ZNF829: variants seen among roughly 807,000 people sequenced by gnomAD.
The protein encoded by ZNF829 is zinc finger protein 829.
Under a neutral mutation model 35.2 loss-of-function variants are expected in ZNF829, and 25 were observed. The observed-to-expected ratio is 0.71, with a 90% CI of 0.52 to 0.99. The LOEUF is 0.99. ZNF829 is among the 50% of genes least tolerant of loss of function. ZNF829 has a pLI of 0.00. For synonymous variants in ZNF829, 136 were observed against 163.2 expected (o/e 0.83, Z 1.27); for missense variants, 417 against 515.3 (o/e 0.81, Z 1.85).
intron 3 of ZNF829, among the ~76,000 whole-genome samples, 174 bp downstream of exon 3, chr19:36,914,791 T>C (rs1375447777): frequency 6.6e-6 from 1 of 152,228 alleles, no homozygotes; most frequent in Non-Finnish European, 1.5e-5. Context: ...TTGAGATCTC[T>C]AAATTAATCA....
At chr19:36,906,075 A>T (rs556021557) in intron 5 of ZNF829, 1 of 152,198 alleles carries the variant, frequency 6.6e-6, no homozygotes, top group Non-Finnish European at 1.5e-5. Flanking sequence ...CACAACACAT[A>T]CAAATACCAA....
rs542264013 is a variant in ZNF829 at position 36,894,525 on chromosome 19, T to C, written c.320-2054A>G. Among the ~76,000 whole-genome samples the C allele has an allele frequency of 4.0e-5, 6 of 151,748 alleles. No homozygotes were observed. In the East Asian group the frequency reaches 7.7e-4, roughly 20 times the overall value. ...ATTAAAGAAGCTCAGTGGGAAACAA[T>C]AGAACATGGATAAAAACCAAAAGAA... is the stretch of plus-strand genomic sequence containing the variant. On this transcript the variant is annotated intron_variant, in intron 5 of 5. Coordinates refer to ENST00000391711, the MANE Select transcript of ZNF829 (RefSeq NM_001037232.4).
At position 36,915,225 on chromosome 19, in the gene ZNF829, A is replaced by G. The variant is rs755910542; in HGVS notation, c.-58T>C. ...TGTGTTCACTGCTGTCCAGGGTTGGAATCTGACCAGACCTCAGAGAGGTTT... is the reference window on the plus strand; with the variant it reads ...TGTGTTCACTGCTGTCCAGGGTTGGGATCTGACCAGACCTCAGAGAGGTTT... On this transcript the variant is annotated 5_prime_UTR_variant, in exon 2 of 6. Coordinates refer to ENST00000391711, the MANE Select transcript of ZNF829 (RefSeq NM_001037232.4). 1.9e-6 allele frequency: 3 copies of G among 1,613,974 alleles called. No homozygotes were observed. Among genetic ancestry groups the G allele is most frequent in the Non-Finnish European group, 1.7e-6 (2 of 1,179,968 alleles).
At chr19:36,901,766 G>T in intron 5 of ZNF829, 1 of 553,478 alleles carries the variant, frequency 1.8e-6, no homozygotes. Context: ...GAAGGGTGGT[G>T]AGAAGAAAAA....
Position 36,892,066 on chromosome 19 carries a change from C to T in ZNF829, c.725G>A (p.Cys242Tyr), listed in dbSNP as rs772538159. The T allele has an allele frequency of 6.2e-7, 1 of 1,614,036 alleles. No individual in the cohort carries two copies. Among genetic ancestry groups the T allele is most frequent in the South Asian group, 1.1e-5 (1 of 91,076 alleles). The change falls in exon 6 of 6, where the codon TGT becomes TAT. Residue 242 changes from cysteine to tyrosine, a missense_variant. Physicochemically the swap from Cys to Tyr is radical, Grantham distance 194. Coordinates refer to ENST00000391711, the MANE Select transcript of ZNF829 (RefSeq NM_001037232.4). ...RIHTGEKPYE[C>Y]KECGKAFKYC... The stretch of plus-strand genomic sequence containing the variant: ...CTTAAAGGCTTTTCCACATTCCTTA[C>T]ATTCATAGGGTTTCTCACCAGTGTG...
intron 5 of ZNF829, among the ~76,000 whole-genome samples, chr19:36,899,404 C>T (rs1343106937): frequency 2.0e-5 from 3 of 151,956 alleles, no homozygotes; most frequent in African/African-American, 7.3e-5. Flanking sequence ...GTGATCAGGC[C>T]ACTGCACTCC....
At chr19:36,908,154 T>C (rs1435133074) in intron 4 of ZNF829, 130 bp from the exon 5 acceptor site, 8 of 1,174,420 alleles carry the variant, frequency 6.8e-6, no homozygotes, top group Non-Finnish European at 8.4e-6. Context: ...AGATGAAGCT[T>C]CAGCCACAGC....
In ZNF829 at chr19:36,889,896, A is replaced by G. The variant is rs950019089; in HGVS notation, c.*1596T>C. ...TGAGATTTTTCTATCTTTTTGGTGTAGGCATTTAATGCTATAAAATCCTCT... is the reference window on the plus strand; with the variant it reads ...TGAGATTTTTCTATCTTTTTGGTGTGGGCATTTAATGCTATAAAATCCTCT... On this transcript the variant is annotated 3_prime_UTR_variant, in exon 6 of 6. Coordinates refer to ENST00000391711, the MANE Select transcript of ZNF829 (RefSeq NM_001037232.4). 2 of 152,134 alleles carry G rather than the reference A, an allele frequency of 1.3e-5. No individual in the cohort carries two copies. The highest frequency in any genetic ancestry group is 4.8e-5 in the African/African-American group (2 of 41,432). The allele number at this position is 152,134 out of a possible 1,614,324, so 9.4% of individuals were successfully genotyped here. A position where few individuals can be genotyped will look rare whatever the true frequency, so the allele number is the denominator to read the frequency against.
rs1222235592 is a variant in ZNF829, at chr19:36,891,492, T to C, written c.1299A>G (p.Ter433TrpextTer5). The C allele has an allele frequency of 6.5e-7, 1 of 1,541,858 alleles. No homozygotes were observed. Among genetic ancestry groups the C allele is most frequent in the Non-Finnish European group, 8.7e-7 (1 of 1,149,120 alleles). The change falls in exon 6 of 6, where the codon TGA (stop) becomes TGG (tryptophan). Residue 433 changes from the stop codon to tryptophan (W), a stop_lost. Coordinates refer to ENST00000391711, the MANE Select transcript of ZNF829 (RefSeq NM_001037232.4). ...LIRHEGIHTG[*>W] ...CAAAATGGTCTTACTTTACTGTCAT[T>C]CAACCAGTATGAATTCCCTCATGGC...
In ZNF829 at chr19:36,892,262, T is replaced by C. The variant is rs766408345; in HGVS notation, c.529A>G (p.Ile177Val). The change falls in exon 6 of 6, where the codon ATT (isoleucine) becomes GTT (valine). Residue 177 changes from isoleucine (I) to valine (V), a missense_variant. By Grantham distance (29) the Ile-to-Val change is conservative. Coordinates refer to ENST00000391711, the MANE Select transcript of ZNF829 (RefSeq NM_001037232.4). Reference protein sequence around the residue: ...QNSQFIQHQRIHFGEKHYESK... With the variant: ...QNSQFIQHQRVHFGEKHYESK... The stretch of plus-strand genomic sequence containing the variant: ...TCATAGTGTTTTTCACCAAAATGAA[T>C]TCTCTGATGTTGGATAAATTGTGAG... 1 of 1,614,012 alleles carries C rather than the reference T, an allele frequency of 6.2e-7. No homozygotes were observed. Among genetic ancestry groups the C allele is most frequent in the East Asian group, 2.2e-5 (1 of 44,870 alleles).
intron 3 of ZNF829, among the ~76,000 whole-genome samples, chr19:36,910,513 C>T (rs2073255219): frequency 6.6e-6 from 1 of 152,192 alleles, no homozygotes; most frequent in Non-Finnish European, 1.5e-5. Context: ...TCCCTATTAA[C>T]ATAAACAAAT....
At position 36,916,204 on chromosome 19, in the gene ZNF829, G is replaced by A; in HGVS notation, c.-278C>T. 2.1e-6 allele frequency: 1 copy of A among 465,308 alleles called. No homozygotes were observed. Among genetic ancestry groups the A allele is most frequent in the Non-Finnish European group, 3.8e-6 (1 of 261,426 alleles). 28.8% of individuals were successfully genotyped at this position (465,308 alleles called of 1,614,324 possible). On this transcript the variant is annotated 5_prime_UTR_variant, in exon 1 of 6. Transcript: ENST00000391711. This position sits in a 1 kb window ranked among gnomAD's most constrained non-coding sequence, Gnocchi z 5.3. ...ACATCCAGCCGAGCCTCGGAGTTGC[G>A]GGTCGCCGTAGCGCTGCGCAATGGA...
At position 36,892,719 on chromosome 19, in the gene ZNF829, C is replaced by T. The variant is rs922083404; in HGVS notation, c.320-248G>A. On this transcript the variant is annotated intron_variant, in intron 5 of 5. Coordinates refer to ENST00000391711, the MANE Select transcript of ZNF829 (RefSeq NM_001037232.4). ...CTCAAATTTTGGTCTGAACCAGAGTCACCTTAAGCCTTGGTGAATACACAG... is the reference window on the plus strand; with the variant it reads ...CTCAAATTTTGGTCTGAACCAGAGTTACCTTAAGCCTTGGTGAATACACAG... 11 of 566,858 alleles carry T rather than the reference C, an allele frequency of 1.9e-5. No individual in the cohort carries two copies. In the African/African-American group the frequency reaches 2.1e-4, roughly 11 times the overall value. 35.1% of individuals were successfully genotyped at this position (566,858 alleles called of 1,614,324 possible).
At chr19:36,903,281 G>A (rs2073187065) in intron 5 of ZNF829, among the ~76,000 whole-genome samples, 1 of 152,160 alleles carries the variant, frequency 6.6e-6, no homozygotes, top group African/African-American at 2.4e-5. Context: ...TTATGTTAGA[G>A]GATGGCTATA....
rs781467383 is a variant in ZNF829 at position 36,915,135 on chromosome 19, A to G, written c.33T>C (p.His11=). The change falls in exon 2 of 6, where the codon CAT becomes CAC. Residue 11 remains histidine (H), a synonymous_variant. Coordinates refer to ENST00000391711, the MANE Select transcript of ZNF829 (RefSeq NM_001037232.4). Reference sequence around the variant, plus strand: ...TCCCCAGCCCCATTACCCACCACACATGAGGAATGGAGATCAGAGGAGAAT... The same window carrying G: ...TCCCCAGCCCCATTACCCACCACACGTGAGGAATGGAGATCAGAGGAGAAT... MPHSPLISIP[H]VWCHPEEEER... The G allele has an allele frequency of 2.4e-5, 39 of 1,613,978 alleles. No individual in the cohort carries two copies. The East Asian group carries it at 8.2e-4, about 34-fold the overall frequency.
intron 3 of ZNF829, among the ~76,000 whole-genome samples, chr19:36,912,450 C>T (rs2073272237): frequency 1.3e-5 from 2 of 152,118 alleles, no homozygotes; most frequent in South Asian, 2.1e-4. Context: ...ATGCTGATCA[C>T]AAGCAGATTT....
At chr19:36,893,735 T>G (rs968379229) in intron 5 of ZNF829, among the ~76,000 whole-genome samples, 10 of 152,130 alleles carry the variant, frequency 6.6e-5, no homozygotes, top group African/African-American at 1.9e-4. Context: ...CCAAACTTAG[T>G]CTGGGTGAGT....
chr19:36,891,983 A>G lies in ZNF829; in HGVS notation c.808T>C (p.Cys270Arg). Residue 270 changes from cysteine (C) to arginine (R), a missense_variant, in exon 6 of 6, where the codon TGT (cysteine) becomes CGT (arginine). Cys to Arg is a radical substitution (Grantham distance 180, BLOSUM62 -3). Coordinates refer to ENST00000391711, the MANE Select transcript of ZNF829 (RefSeq NM_001037232.4). ...GTAAAGGCTTTTCCACATACTTTACATTCATAGGGTTTCTCACCAGTGTGA... is the reference window on the plus strand; with the variant it reads ...GTAAAGGCTTTTCCACATACTTTACGTTCATAGGGTTTCTCACCAGTGTGA... ...RIHTGEKPYE[C>R]KVCGKAFTKS... 1 of 1,613,936 alleles carries G rather than the reference A, an allele frequency of 6.2e-7. No individual in the cohort carries two copies. Among genetic ancestry groups the G allele is most frequent in the Non-Finnish European group, 8.5e-7 (1 of 1,179,898 alleles).
chr19:36,891,894 T>TTTACATTCA lies in ZNF829; in HGVS notation c.888_896dup (p.Cys298_Lys299insAsnGluCys). The TTTACATTCA allele has an allele frequency of 6.2e-7, 1 of 1,613,874 alleles. No homozygotes were observed. Among genetic ancestry groups the TTTACATTCA allele is most frequent in the Non-Finnish European group, 8.5e-7 (1 of 1,179,932 alleles). On this transcript the variant is annotated inframe_insertion, in exon 6 of 6. Transcript: ENST00000391711. ...GTTGAGTAAAGGCTTTCCCACATTC[T>TTTACATTCA]TTACATTCATAAGGTTTCTCACCAG...
Sources: allele counts gnomAD v4.1 joint callset (sites outside exome capture counted in the v4.1 genomes callset), GRCh38; gene constraint gnomAD v4.1.1; non-coding constraint Gnocchi (gnomAD v3.1); transcripts MANE v1.5; gene names NCBI Gene and HGNC (gene_info 2026-07-23, HGNC 2026-07-21).